The following ANAPC1 variants were observed in gnomAD, a reference collection of about 807,000 sequenced individuals.
ANAPC1 encodes the protein anaphase promoting complex subunit 1, also known as anaphase-promoting complex subunit 1.
In ANAPC1, 36 loss-of-function variants were observed where a neutral mutation model predicts 208.0. The ratio of observed to expected loss-of-function variants is 0.17; its 90% CI spans 0.13 to 0.23. ANAPC1 has a LOEUF of 0.23. Ranked by LOEUF, ANAPC1 falls within the 10% of genes least tolerant of loss-of-function variation. The pLI is 1.00. For missense variants in ANAPC1, 942 were observed against 2,011.6 expected (o/e 0.47, Z 10.17); for synonymous variants, 378 against 695.2 (o/e 0.54, Z 7.18).
At chr2:111,871,478 C>T (rs1239560431) in intron 6 of ANAPC1, among the ~76,000 whole-genome samples, 5 of 152,156 alleles carry the variant, frequency 3.3e-5, no homozygotes, top group Admixed American at 2.0e-4. Context: ...TGGCCAGGTG[C>T]GGTGGCTCAT....
chr2:111,769,574 T>C (rs185666100), intron 47 of ANAPC1, among the ~76,000 whole-genome samples, 168 bp from the exon 48 acceptor site: 3,255 of 152,036 alleles, frequency 0.021, 101 homozygotes, highest in African/African-American at 0.073. Context: ...TAATACACTG[T>C]AATGTAAATT....
rs570974555 is a variant in ANAPC1, at chr2:111,773,935, C to T, written c.5585-1460G>A. Among the ~76,000 whole-genome samples the T allele has an allele frequency of 4.2e-3, 626 of 150,206 alleles. 4 individuals are homozygous for T. The highest frequency in any genetic ancestry group is 0.015 in the African/African-American group (607 of 41,026). On this transcript the variant is annotated intron_variant, in intron 46 of 47. Transcript: ENST00000341068. ...TGAAAAGCTTTAAGCAGGAGTGTTA[C>T]ATCAGTTTATTCTTTAAAAGACTGT... is the stretch of plus-strand genomic sequence containing the variant.
chr2:111,784,516 A>G (rs535927379), intron 40 of ANAPC1, 116 bp from the exon 41 acceptor site: 7 of 1,348,006 alleles, frequency 5.2e-6, no homozygotes, highest in East Asian at 4.9e-5. Context: ...AGAGACCTTT[A>G]AATGGTATAA....
chr2:111,877,596 C>T (rs1034163053), intron 3 of ANAPC1, among the ~76,000 whole-genome samples: 34 of 151,984 alleles, frequency 2.2e-4, no homozygotes, highest in African/African-American at 7.7e-4. Flanking sequence ...CTGGCTAACA[C>T]AGTGAAACCC....
intron 21 of ANAPC1, 103 bp from the exon 22 acceptor site, chr2:111,825,958 C>T: frequency 9.6e-7 from 1 of 1,043,458 alleles, no homozygotes; most frequent in Non-Finnish European, 1.4e-6. Flanking sequence ...CTCACTGCAG[C>T]CTCAAACTCC....
intron 17 of ANAPC1, among the ~76,000 whole-genome samples, chr2:111,842,720 G>C (rs1322521680): frequency 1.3e-5 from 2 of 151,896 alleles, no homozygotes; most frequent in African/African-American, 4.8e-5. Flanking sequence ...ACCTGGAAAA[G>C]GGGTAATTAT....
chr2:111,823,154 C>T lies in ANAPC1; in HGVS notation c.2813-554G>A, dbSNP rs188817519. Among the ~76,000 whole-genome samples, 1,430 of 150,932 alleles carry T rather than the reference C, an allele frequency of 9.5e-3. 26 individuals carry two copies. Among genetic ancestry groups the T allele is most frequent in the African/African-American group, 0.033 (1,369 of 41,088 alleles). Reference sequence around the variant, plus strand: ...CCTCCCGAGTAGCTGGGACTACAGGCGCCCGCCACCATGCCCGGCTAATTT... The same window carrying T: ...CCTCCCGAGTAGCTGGGACTACAGGTGCCCGCCACCATGCCCGGCTAATTT... On this transcript the variant is annotated intron_variant, in intron 24 of 47. Transcript: ENST00000341068.
chr2:111,840,001 A>G (rs904090975), intron 17 of ANAPC1, among the ~76,000 whole-genome samples: 4 of 152,174 alleles, frequency 2.6e-5, no homozygotes, highest in South Asian at 2.1e-4. Flanking sequence ...AAGACAGTCA[A>G]TTCCAGAGGA....
chr2:111,840,338 T>C (rs1026805875), intron 17 of ANAPC1, among the ~76,000 whole-genome samples: 1 of 152,240 alleles, frequency 6.6e-6, no homozygotes, highest in Admixed American at 6.5e-5. Flanking sequence ...CATTTTATCC[T>C]AAGCTTTGAC....
chr2:111,775,812 C>T (rs1234495823), intron 46 of ANAPC1, among the ~76,000 whole-genome samples: 12 of 152,054 alleles, frequency 7.9e-5, no homozygotes, highest in African/African-American at 1.2e-4. Context: ...AAACGAAACA[C>T]GAAAACCTTT....
chr2:111,803,882 A>AG (rs1174914723), intron 30 of ANAPC1, 43 bp from the exon 31 acceptor site: 1 of 1,252,598 alleles, frequency 8.0e-7, no homozygotes, highest in African/African-American at 1.5e-5. Context: ...AATTTTATGA[A>AG]GGAAGATCCA....
At chr2:111,791,622 CAT>C in intron 38 of ANAPC1, among the ~76,000 whole-genome samples, 1 of 151,284 alleles carries the variant, frequency 6.6e-6, no homozygotes, top group South Asian at 2.1e-4. Context: ...ATCTTACAAA[CAT>C]AATGTTGAGC....
At chr2:111,797,605 G>A (rs1299656558) in intron 34 of ANAPC1, among the ~76,000 whole-genome samples, 1 of 151,938 alleles carries the variant, frequency 6.6e-6, no homozygotes, top group Non-Finnish European at 1.5e-5. Context: ...AATAATAGAT[G>A]AATAAATTCC....
chr2:111,819,207 C>G (rs1175763768), intron 26 of ANAPC1: 1 of 984,654 alleles, frequency 1.0e-6, no homozygotes, highest in Non-Finnish European at 1.2e-6. Flanking sequence ...ATGAAAACCA[C>G]CTGGCCTATA....
At chr2:111,791,642 A>C (rs1677879530) in intron 38 of ANAPC1, among the ~76,000 whole-genome samples, 1 of 151,756 alleles carries the variant, frequency 6.6e-6, no homozygotes, top group African/African-American at 2.4e-5. Flanking sequence ...AGCAAAAGTA[A>C]AGTGCAAAAG....
intron 29 of ANAPC1, among the ~76,000 whole-genome samples, chr2:111,807,651 C>T (rs2104394946): frequency 6.6e-6 from 1 of 151,824 alleles, no homozygotes; most frequent in East Asian, 1.9e-4. Context: ...AAGATTGCAC[C>T]ACTGTACTCC....
chr2:111,844,988 G>C (rs1680977366), intron 16 of ANAPC1, among the ~76,000 whole-genome samples: 1 of 152,206 alleles, frequency 6.6e-6, no homozygotes, highest in Non-Finnish European at 1.5e-5. Context: ...AAGGACTACA[G>C]ATGCATGCCA....
chr2:111,872,521 G>A, intron 6 of ANAPC1, 109 bp downstream of exon 6: 1 of 892,634 alleles, frequency 1.1e-6, no homozygotes, highest in Non-Finnish European at 1.8e-6. Context: ...ATATATCTAT[G>A]CTGTCAACAT....
chr2:111,838,476 G>C lies in ANAPC1; in HGVS notation c.2077C>G (p.Pro693Ala), dbSNP rs748156140. Residue 693 changes from proline (P) to alanine (A), a missense_variant, in exon 18 of 48, where the codon CCC (proline) becomes GCC (alanine). Transcript: ENST00000341068. ...GTCTCGGAAGGCCTTGCTTTTTTGG[G>C]CGCAATGACAGGAGAAAGTGATCCT... is the stretch of plus-strand genomic sequence containing the variant. ...FEGSLSPVIAPKKARPSETGS... is the reference protein window; with the variant it reads ...FEGSLSPVIAAKKARPSETGS... 1 of 1,606,280 alleles carries C rather than the reference G, an allele frequency of 6.2e-7. No homozygotes were observed. The highest frequency in any genetic ancestry group is 1.7e-5 in the Admixed American group (1 of 59,088).
Sources: allele counts gnomAD v4.1 joint callset (sites outside exome capture counted in the v4.1 genomes callset), GRCh38; gene constraint gnomAD v4.1.1; transcripts MANE v1.5; gene names NCBI Gene and HGNC (gene_info 2026-07-23, HGNC 2026-07-21).